SPHKAP: variants seen among roughly 807,000 people sequenced by gnomAD.
SPHKAP encodes SPHK1 interactor, AKAP domain containing.
SPHKAP carries 67 observed loss-of-function variants against 137.5 expected under a neutral mutation model. That is an observed-to-expected ratio of 0.49 (90% CI 0.40 to 0.60). SPHKAP has a LOEUF of 0.60. Ranked by LOEUF, SPHKAP falls within the 20% of genes least tolerant of loss-of-function variation. SPHKAP has a pLI of 0.00. For missense variants in SPHKAP, 2,097 were observed against 2,069.3 expected, an observed-to-expected ratio of 1.01 and a Z score of -0.26; for synonymous variants, 813 against 785.3, an observed-to-expected ratio of 1.04 and a Z score of -0.59.
At chr2:227,992,139 T>C (rs1407775275) in intron 9 of SPHKAP, among the ~76,000 whole-genome samples, 1 of 152,198 alleles carries the variant, frequency 6.6e-6, no homozygotes, top group African/African-American at 2.4e-5. Flanking sequence ...GTGGTTGTCC[T>C]ATATTTTTGT....
intron 3 of SPHKAP, among the ~76,000 whole-genome samples, chr2:228,045,984 T>G (rs1002360462): frequency 2.0e-5 from 3 of 152,034 alleles, no homozygotes; most frequent in Non-Finnish European, 4.4e-5. Context: ...GTTCTGGAGA[T>G]CTAATGTACA....
chr2:228,122,209 C>G (rs1698929872), intron 2 of SPHKAP, among the ~76,000 whole-genome samples: 1 of 152,122 alleles, frequency 6.6e-6, no homozygotes, highest in South Asian at 2.1e-4. Flanking sequence ...GATCACTTGC[C>G]TAGTTCCAGC....
intron 1 of SPHKAP, among the ~76,000 whole-genome samples, chr2:228,140,371 T>C (rs1699566828): frequency 6.6e-6 from 1 of 152,140 alleles, no homozygotes; most frequent in Non-Finnish European, 1.5e-5. Flanking sequence ...TCAGAATGTA[T>C]GTTACCGTAA....
chr2:228,161,708 A>AGAAC (rs1455829665), intron 1 of SPHKAP, among the ~76,000 whole-genome samples: 3 of 104,880 alleles, frequency 2.9e-5, no homozygotes, highest in African/African-American at 1.3e-4. Flanking sequence ...AAAATAGAAC[A>AGAAC]AAATAAAATA....
intron 3 of SPHKAP, among the ~76,000 whole-genome samples, chr2:228,073,197 G>A (rs996820407): frequency 3.9e-5 from 6 of 152,206 alleles, no homozygotes; most frequent in African/African-American, 2.4e-5. Flanking sequence ...CAGATCAAAT[G>A]TTCTTTCCCT....
chr2:228,113,627 C>A (rs1289041834), intron 2 of SPHKAP, among the ~76,000 whole-genome samples: 1 of 144,700 alleles, frequency 6.9e-6, no homozygotes, highest in Non-Finnish European at 1.5e-5. Context: ...CTCTCTCTCT[C>A]TCTCTCTCTC....
intron 1 of SPHKAP, among the ~76,000 whole-genome samples, chr2:228,153,204 G>T (rs1221628464): frequency 6.6e-6 from 1 of 152,052 alleles, no homozygotes; most frequent in Non-Finnish European, 1.5e-5. Context: ...ACGGACTAAT[G>T]CACCCTCCTA....
chr2:228,017,353 C>T lies in SPHKAP; in HGVS notation c.3501G>A (p.Ala1167=), dbSNP rs149986346. 1.1e-4 allele frequency: 179 copies of T among 1,613,536 alleles called. 1 individual carries two copies. The highest frequency in any genetic ancestry group is 1.2e-4 in the Non-Finnish European group (143 of 1,179,790). Residue 1167 remains alanine (A), a synonymous_variant, in exon 7 of 12, where the codon GCG becomes GCA. Coordinates refer to ENST00000392056, the MANE Select transcript of SPHKAP (RefSeq NM_001142644.2). The part of the protein sequence containing the change: ...SSILNSAMQQ[A]CRKSDHLSVR... ...CACTGAGGTGGTCACTTTTCCGGCACGCCTGTTGCATGGCTGAGTTCAGAA... is the reference window on the plus strand; with the variant it reads ...CACTGAGGTGGTCACTTTTCCGGCATGCCTGTTGCATGGCTGAGTTCAGAA...
intron 11 of SPHKAP, among the ~76,000 whole-genome samples, chr2:227,987,116 T>G (rs1413439726): frequency 6.6e-6 from 1 of 152,224 alleles, no homozygotes; most frequent in Non-Finnish European, 1.5e-5. Context: ...CTTCAGTGTT[T>G]ATCAGAATCA....
At chr2:228,023,979 C>T (rs1694937530) in intron 5 of SPHKAP, among the ~76,000 whole-genome samples, 2 of 152,132 alleles carry the variant, frequency 1.3e-5, no homozygotes, top group Admixed American at 1.3e-4. Flanking sequence ...GACTTGAACC[C>T]AAAAAGATAT....
chr2:228,140,355 G>T (rs1202457469), intron 1 of SPHKAP, among the ~76,000 whole-genome samples: 1 of 151,914 alleles, frequency 6.6e-6, no homozygotes, highest in Non-Finnish European at 1.5e-5. Context: ...TGTAGTTCAG[G>T]GACATTCAGA....
chr2:228,131,294 T>A, intron 2 of SPHKAP: 1 of 985,242 alleles, frequency 1.0e-6, no homozygotes, highest in Non-Finnish European at 1.2e-6. Flanking sequence ...TGAATTGGGA[T>A]GAGAAGAAAC....
chr2:228,036,732 A>G (rs1296769975), intron 3 of SPHKAP, among the ~76,000 whole-genome samples: 1 of 152,148 alleles, frequency 6.6e-6, no homozygotes, highest in Non-Finnish European at 1.5e-5. Context: ...TGTCCTTTGT[A>G]GGGACACGGA....
chr2:228,135,274 C>CAAAAAAA (rs11435994), intron 1 of SPHKAP, among the ~76,000 whole-genome samples: 2 of 95,434 alleles, frequency 2.1e-5, no homozygotes, highest in Non-Finnish European at 4.0e-5. Flanking sequence ...AACTCTGTCT[C>CAAAAAAA]AAAAAAAAAA....
intron 2 of SPHKAP, among the ~76,000 whole-genome samples, chr2:228,116,686 A>G (rs867350364): frequency 5.9e-5 from 9 of 152,144 alleles, no homozygotes; most frequent in East Asian, 3.8e-4. Context: ...GGTGAGCCCA[A>G]AGTTTTATGG....
chr2:228,016,928 G>A lies in SPHKAP; in HGVS notation c.3926C>T (p.Thr1309Met), dbSNP rs200923997. 12 of 1,613,942 alleles carry A rather than the reference G, an allele frequency of 7.4e-6. No homozygotes were observed. The highest frequency in any genetic ancestry group is 1.0e-5 in the Non-Finnish European group (12 of 1,180,010). ...DHITNMLIHE[T>M]WASSIEALMR... ...GAGAGCCTCAATGGAGCTAGCCCAC[G>A]TTTCATGAATTAACATGTTGGTGAT... is the stretch of plus-strand genomic sequence containing the variant. The change falls in exon 7 of 12, where the codon ACG becomes ATG. Residue 1309 changes from threonine (T) to methionine (M), a missense_variant. By Grantham distance (81) the Thr-to-Met change is moderately conservative (BLOSUM62 -1). Transcript: ENST00000392056.
At chr2:228,059,555 T>C (rs929269055) in intron 3 of SPHKAP, among the ~76,000 whole-genome samples, 2 of 152,148 alleles carry the variant, frequency 1.3e-5, no homozygotes, top group Non-Finnish European at 2.9e-5. Flanking sequence ...GAAAGAAAGA[T>C]AATTTTTTCT....
Position 228,018,630 on chromosome 2 carries a change from T to C in SPHKAP, c.2224A>G (p.Ile742Val), listed in dbSNP as rs61755299. Residue 742 changes from isoleucine to valine, a missense_variant, in exon 7 of 12, where the codon ATC becomes GTC. Transcript: ENST00000392056. ...CTTGGTTCTGTCTCCCTCCTTCTGA[T>C]GGTCTCCTTAGAAAGGACAGCAGGA... ...ECPAVLSKET[I>V]RRRETEPSCQ... 3.5e-5 allele frequency: 56 copies of C among 1,613,960 alleles called. No homozygotes were observed. Among genetic ancestry groups the C allele is most frequent in the African/African-American group, 8.0e-5 (6 of 74,922 alleles).
chr2:228,094,233 G>C (rs1474519994), intron 3 of SPHKAP, among the ~76,000 whole-genome samples: 2 of 152,136 alleles, frequency 1.3e-5, no homozygotes, highest in African/African-American at 2.4e-5. Flanking sequence ...TATTTTAAAA[G>C]TGATGTATTC....
Sources: gnomAD v4.1 joint callset for allele counts (sites outside exome capture counted in the v4.1 genomes callset) on GRCh38, gnomAD v4.1.1 for gene constraint, MANE v1.5 for transcripts, NCBI Gene and HGNC (gene_info 2026-07-23, HGNC 2026-07-21) for gene names.